Variants in CLVS1 observed in about 807,000 individuals in gnomAD.
CLVS1 encodes clavesin-1.
CLVS1 carries 10 observed loss-of-function variants against 33.1 expected under a neutral mutation model. The observed-to-expected ratio is 0.30, with a 90% CI of 0.19 to 0.51. The LOEUF is 0.51. CLVS1 is among the 20% of genes least tolerant of loss of function. CLVS1 has a pLI of 0.97. For synonymous variants in CLVS1, 163 were observed against 166.1 expected (o/e 0.98, Z 0.14); for missense variants, 343 against 433.4 (o/e 0.79, Z 1.85).
intron 2 of CLVS1, among the ~76,000 whole-genome samples, chr8:61,348,961 C>G (rs1812339605): frequency 6.6e-6 from 1 of 151,994 alleles, no homozygotes; most frequent in Non-Finnish European, 1.5e-5. Flanking sequence ...ATTTTTATTT[C>G]CCTGATGATT....
intron 2 of CLVS1, among the ~76,000 whole-genome samples, chr8:61,359,498 G>A (rs1007246315): frequency 2.0e-5 from 3 of 152,224 alleles, no homozygotes; most frequent in African/African-American, 7.2e-5. Context: ...TGGGGTGATA[G>A]GCAAGTGCCA....
chr8:60,972,471 G>C, the CLVS1 span, among the ~76,000 whole-genome samples: 1 of 152,260 alleles, frequency 6.6e-6, no homozygotes, highest in African/African-American at 2.4e-5. Flanking sequence ...AGGAGGATGA[G>C]AGGGGCCTGA....
intron 2 of CLVS1, among the ~76,000 whole-genome samples, chr8:61,303,489 TA>T (rs1810508704): frequency 6.6e-6 from 1 of 152,230 alleles, no homozygotes; most frequent in African/African-American, 2.4e-5. Context: ...AAATTCACTT[TA>T]TGGTCTCCTA....
At chr8:61,075,802 T>A (rs1563393411) in intron 1 of CLVS1, among the ~76,000 whole-genome samples, 1 of 152,212 alleles carries the variant, frequency 6.6e-6, no homozygotes, top group Non-Finnish European at 1.5e-5. Context: ...TCCCTTTCAC[T>A]GCTCTATTAG....
chr8:61,252,010 G>A (rs896250557), intron 2 of CLVS1, among the ~76,000 whole-genome samples: 21 of 151,980 alleles, frequency 1.4e-4, no homozygotes, highest in African/African-American at 4.6e-4. Flanking sequence ...TGTGATGTTA[G>A]GGTGTCAGTT....
At chr8:61,312,950 C>A (rs1318668349) in intron 2 of CLVS1, among the ~76,000 whole-genome samples, 3 of 152,208 alleles carry the variant, frequency 2.0e-5, no homozygotes, top group Non-Finnish European at 4.4e-5. Flanking sequence ...CTTTGCCATA[C>A]ATTTTGGCAC....
intron 2 of CLVS1, among the ~76,000 whole-genome samples, chr8:61,357,494 CTTTTTTTTTT>C (rs1167743712): frequency 1.4e-3 from 36 of 25,810 alleles, no homozygotes; most frequent in Non-Finnish European, 3.1e-3. Context: ...TTTTTCTTTT[CTTTTTTTTTT>C]TTTTTTTTTT....
At position 61,429,058 on chromosome 8, in the gene CLVS1, G is replaced by A. The variant is rs558688225; in HGVS notation, c.631-25083G>A. Among the ~76,000 whole-genome samples the A allele has an allele frequency of 8.5e-5, 13 of 152,238 alleles. 1 individual carries two copies. The East Asian group carries it at 2.5e-3, about 29-fold the overall frequency. On this transcript the variant is annotated intron_variant, in intron 3 of 5. Transcript: ENST00000325897. ...GGTTTACAGTTCCAGAGGTTGAGAA[G>A]TCCCATATCAGGGCGCTGGCATCTG...
At chr8:61,404,868 C>T (rs1288575590) in intron 3 of CLVS1, among the ~76,000 whole-genome samples, 1 of 152,146 alleles carries the variant, frequency 6.6e-6, no homozygotes, top group African/African-American at 2.4e-5. Context: ...CCAAGATGAA[C>T]ACCATGGTTT....
intron 3 of CLVS1, among the ~76,000 whole-genome samples, chr8:61,400,930 T>C (rs1162136818): frequency 6.6e-6 from 1 of 152,148 alleles, no homozygotes; most frequent in Non-Finnish European, 1.5e-5. Context: ...GGGATTCAGT[T>C]TGCCAGTATT....
At chr8:61,110,276 G>T (rs1179481906) in intron 1 of CLVS1, among the ~76,000 whole-genome samples, 2 of 152,140 alleles carry the variant, frequency 1.3e-5, no homozygotes, top group African/African-American at 4.8e-5. Context: ...GAGCTGCCCT[G>T]ACAACCCAGG....
chr8:61,251,799 T>C (rs879895454), intron 2 of CLVS1, among the ~76,000 whole-genome samples: 1 of 152,120 alleles, frequency 6.6e-6, no homozygotes, highest in Non-Finnish European at 1.5e-5. Flanking sequence ...TTGATCCTTC[T>C]CTCTTTTCTT....
At chr8:61,420,795 G>T (rs1333479150) in intron 3 of CLVS1, among the ~76,000 whole-genome samples, 1 of 151,576 alleles carries the variant, frequency 6.6e-6, no homozygotes, top group East Asian at 2.0e-4. Flanking sequence ...ATGGTGAAAC[G>T]CCATCTCTAC....
chr8:61,290,170 T>C (rs1297223163), intron 1 of CLVS1, among the ~76,000 whole-genome samples: 1 of 152,220 alleles, frequency 6.6e-6, no homozygotes, highest in Non-Finnish European at 1.5e-5. Flanking sequence ...CTCTAGAGCT[T>C]CTGTCTTCCT....
intron 1 of CLVS1, among the ~76,000 whole-genome samples, chr8:61,067,564 T>G (rs1450615938): frequency 6.6e-6 from 1 of 151,904 alleles, no homozygotes; most frequent in East Asian, 1.9e-4. Context: ...GTTCAAACTA[T>G]TTTTTAAAAA....
chr8:61,205,334 C>T (rs970635742), intron 2 of CLVS1, among the ~76,000 whole-genome samples: 1 of 152,184 alleles, frequency 6.6e-6, no homozygotes, highest in Non-Finnish European at 1.5e-5. Context: ...CTCCTGGCAA[C>T]CACCACTCTA....
intron 2 of CLVS1, among the ~76,000 whole-genome samples, chr8:61,273,054 GAGC>G (rs1324063343): frequency 6.6e-6 from 1 of 151,024 alleles, no homozygotes; most frequent in African/African-American, 2.5e-5. Context: ...CGTTCCTTTG[GAGC>G]AGAGGCGCTC....
rs532636300 is a variant in CLVS1 at position 61,483,320 on chromosome 8, A to G, written c.978-16135A>G. On this transcript the variant is annotated intron_variant, in intron 5 of 5. Coordinates refer to ENST00000325897, the MANE Select transcript of CLVS1 (RefSeq NM_173519.3). ...CAGAGAATACTATAAACACCTCTAC[A>G]CAATTAAACTAGAAAATCTAGAAGA... Among the ~76,000 whole-genome samples, 148 of 152,318 alleles carry G rather than the reference A, an allele frequency of 9.7e-4. 1 individual carries two copies. The highest frequency in any genetic ancestry group is 3.3e-3 in the African/African-American group (137 of 41,580).
chr8:61,158,168 A>T (rs1364146000), intron 2 of CLVS1, among the ~76,000 whole-genome samples: 1 of 152,220 alleles, frequency 6.6e-6, no homozygotes, highest in South Asian at 2.1e-4. Flanking sequence ...AACAATATAG[A>T]TGAATCTCAA....
Sources: allele counts gnomAD v4.1 joint callset (sites outside exome capture counted in the v4.1 genomes callset), GRCh38; gene constraint gnomAD v4.1.1; transcripts MANE v1.5; gene names NCBI Gene and HGNC (gene_info 2026-07-23, HGNC 2026-07-21).